ADGRV1: variants seen among roughly 807,000 people sequenced by gnomAD.
ADGRV1 encodes adhesion G protein-coupled receptor V1, also known as G-protein coupled receptor 98.
In ADGRV1, 359 loss-of-function variants were observed where a neutral mutation model predicts 596.2. That is an observed-to-expected ratio of 0.60 (90% CI 0.55 to 0.66). ADGRV1 has a LOEUF of 0.66. Ranked by LOEUF, ADGRV1 falls within the 30% of genes least tolerant of loss-of-function variation. ADGRV1 has a pLI of 0.00. For synonymous variants in ADGRV1, 2,681 were observed against 2,679.2 expected (o/e 1.00, Z -0.02); for missense variants, 7,274 against 7,575.6 (o/e 0.96, Z 1.48).
rs1348059307 is a variant in ADGRV1, at chr5:90,653,665, A to G, written c.4091A>G (p.Asn1364Ser). ...ACATTCTCAGCTTGGGTAATGCCCA[A>G]TGCCAATACGAATGGATTCATTATA... The part of the protein sequence containing the change: ...NFTFSAWVMP[N>S]ANTNGFIIAK... Residue 1364 changes from asparagine (N) to serine (S), a missense_variant, in exon 20 of 90, where the codon AAT (asparagine) becomes AGT (serine). Asn to Ser is a conservative substitution (Grantham distance 46, BLOSUM62 1). This residue lies in a region of ADGRV1 where 1,715 missense variants were observed against 1,708.8 expected (regional missense o/e 1.00). Transcript: ENST00000405460. 6 of 1,613,426 alleles carry G rather than the reference A, an allele frequency of 3.7e-6. No individual in the cohort carries two copies. The highest frequency in any genetic ancestry group is 1.1e-5 in the South Asian group (1 of 90,942).
At chr5:90,962,425 A>G (rs1778115135) in intron 83 of ADGRV1, among the ~76,000 whole-genome samples, 1 of 152,210 alleles carries the variant, frequency 6.6e-6, no homozygotes, top group Non-Finnish European at 1.5e-5. Context: ...ACTGACTGTG[A>G]AAATAACCTT....
intron 83 of ADGRV1, among the ~76,000 whole-genome samples, chr5:90,941,727 A>C (rs747210442): frequency 6.6e-6 from 1 of 152,200 alleles, no homozygotes. Flanking sequence ...GTTCAGGTGC[A>C]TATGAAATAA....
intron 83 of ADGRV1, among the ~76,000 whole-genome samples, chr5:90,956,867 T>C (rs1777527108): frequency 6.6e-6 from 1 of 152,178 alleles, no homozygotes; most frequent in Admixed American, 6.5e-5. Flanking sequence ...GGCATAACTG[T>C]GTGACATCTG....
chr5:90,878,230 A>G (rs1409809585), intron 83 of ADGRV1, among the ~76,000 whole-genome samples: 3 of 152,226 alleles, frequency 2.0e-5, no homozygotes, highest in Non-Finnish European at 2.9e-5. Context: ...CAGTTTTGTG[A>G]GAAACTGGAA....
At chr5:90,920,991 A>G (rs545394722) in intron 83 of ADGRV1, among the ~76,000 whole-genome samples, 12 of 152,332 alleles carry the variant, frequency 7.9e-5, no homozygotes, top group African/African-American at 2.9e-4. Flanking sequence ...TGAACTATGT[A>G]AAAAGTGAGC....
chr5:90,610,340 G>A (rs937646291), intron 1 of ADGRV1, among the ~76,000 whole-genome samples: 3 of 151,940 alleles, frequency 2.0e-5, no homozygotes, highest in African/African-American at 7.2e-5. Context: ...GTGGGAAACA[G>A]CAATAGGAAT....
intron 88 of ADGRV1, among the ~76,000 whole-genome samples, chr5:91,152,916 A>C (rs1796177340): frequency 6.6e-6 from 1 of 152,052 alleles, no homozygotes; most frequent in South Asian, 2.1e-4. Flanking sequence ...GGCTCAAGCA[A>C]TCCTCCCACC....
intron 83 of ADGRV1, among the ~76,000 whole-genome samples, chr5:90,962,474 T>C (rs1466295165): frequency 1.3e-5 from 2 of 152,188 alleles, no homozygotes; most frequent in Non-Finnish European, 2.9e-5. Flanking sequence ...AAAAGAACAA[T>C]GGTGAAGCTC....
At chr5:91,105,919 A>G (rs1008150700) in intron 87 of ADGRV1, among the ~76,000 whole-genome samples, 3 of 151,014 alleles carry the variant, frequency 2.0e-5, no homozygotes, top group Non-Finnish European at 4.4e-5. Flanking sequence ...ATAATTTTAT[A>G]AATAGATTCT....
Position 90,652,356 on chromosome 5 carries a change from C to T in ADGRV1, c.3427C>T (p.His1143Tyr). Residue 1143 changes from histidine (H) to tyrosine (Y), a missense_variant, in exon 19 of 90, where the codon CAC becomes TAC. This residue lies in a region of ADGRV1 where 1,715 missense variants were observed against 1,708.8 expected (regional missense o/e 1.00). Transcript: ENST00000405460. ...TAATTTATTTTGTAGGATTTTGAGG[C>T]ACCGAGGATACTTTGGTAGTGTTTC... ...GKTNAFWILR[H>Y]RGYFGSVSVS... 1 of 1,581,684 alleles carries T rather than the reference C, an allele frequency of 6.3e-7. No homozygotes were observed. Among genetic ancestry groups the T allele is most frequent in the Non-Finnish European group, 8.6e-7 (1 of 1,165,172 alleles).
intron 83 of ADGRV1, among the ~76,000 whole-genome samples, chr5:90,881,371 C>T (rs531427758): frequency 2.6e-5 from 4 of 152,264 alleles, no homozygotes; most frequent in South Asian, 4.2e-4. Context: ...ACCCTGTTAG[C>T]TTGACATTGT....
Position 90,783,331 on chromosome 5 carries a change from T to C in ADGRV1, c.13433+6T>C. The C allele has an allele frequency of 6.3e-7, 1 of 1,585,508 alleles. No individual in the cohort carries two copies. Among genetic ancestry groups the C allele is most frequent in the Non-Finnish European group, 8.7e-7 (1 of 1,155,872 alleles). On this transcript the variant is annotated splice_donor_region_variant and intron_variant, in intron 66 of 89. Transcript: ENST00000405460. Reference sequence around the variant, plus strand: ...ATCATTGATGACAATGAAAGGTTGGTATATAGAAAATAATGTGGGCACATA... The same window carrying C: ...ATCATTGATGACAATGAAAGGTTGGCATATAGAAAATAATGTGGGCACATA...
At position 90,625,085 on chromosome 5, in the gene ADGRV1, T is replaced by C. The variant is rs755504936; in HGVS notation, c.559-45T>C. On this transcript the variant is annotated intron_variant, in intron 5 of 89. Transcript: ENST00000405460. The stretch of plus-strand genomic sequence containing the variant: ...TCACAATGATGCTTTCTCAGTCTTG[T>C]GAAGTATTTTGCATTTATTGATGGC... 244 of 1,113,008 alleles carry C rather than the reference T, an allele frequency of 2.2e-4. 2 individuals are homozygous for C. The highest frequency in any genetic ancestry group is 2.1e-3 in the South Asian group (161 of 74,934). The allele number at this position is 1,113,008 out of a possible 1,614,324, so 68.9% of individuals were successfully genotyped here.
At chr5:90,574,702 G>C (rs1453350962) in intron 1 of ADGRV1, among the ~76,000 whole-genome samples, 5 of 152,150 alleles carry the variant, frequency 3.3e-5, no homozygotes, top group African/African-American at 1.2e-4. Flanking sequence ...GTTCAGCTGT[G>C]AATCCATCTG....
chr5:90,847,134 G>T (rs1561840902), intron 78 of ADGRV1, among the ~76,000 whole-genome samples: 1 of 152,118 alleles, frequency 6.6e-6, no homozygotes, highest in African/African-American at 2.4e-5. Context: ...GATACAGAGT[G>T]CCAATTGGTG....
chr5:91,006,064 A>G (rs1782248150), intron 85 of ADGRV1, among the ~76,000 whole-genome samples: 2 of 152,098 alleles, frequency 1.3e-5, no homozygotes, highest in African/African-American at 2.4e-5. Flanking sequence ...AAACTAGAAT[A>G]CTTGTAGAGT....
At chr5:90,962,738 A>T (rs932257402) in intron 83 of ADGRV1, among the ~76,000 whole-genome samples, 1 of 152,200 alleles carries the variant, frequency 6.6e-6, no homozygotes, top group Non-Finnish European at 1.5e-5. Flanking sequence ...CAATTCCCAT[A>T]ATTCAGATAA....
At chr5:90,736,375 A>G (rs536087518) in intron 50 of ADGRV1, among the ~76,000 whole-genome samples, 7 of 152,020 alleles carry the variant, frequency 4.6e-5, no homozygotes, top group Middle Eastern at 3.4e-3. Context: ...TCAATTTGCT[A>G]TTGTCTTACT....
intron 83 of ADGRV1, among the ~76,000 whole-genome samples, chr5:90,879,214 C>A (rs977037197): frequency 6.6e-6 from 1 of 152,196 alleles, no homozygotes; most frequent in Non-Finnish European, 1.5e-5. Flanking sequence ...CCACCTAACA[C>A]CATCTTTCCA....
Sources: gnomAD v4.1 joint callset for allele counts (sites outside exome capture counted in the v4.1 genomes callset) on GRCh38, gnomAD v4.1.1 for gene constraint, gnomAD v4.1.1 regional missense constraint, MANE v1.5 for transcripts, NCBI Gene and HGNC (gene_info 2026-07-23, HGNC 2026-07-21) for gene names.